DOCK6: variants seen among roughly 807,000 people sequenced by gnomAD.
DOCK6 encodes the protein dedicator of cytokinesis 6, also known as dedicator of cytokinesis protein 6.
A neutral mutation model predicts 230.3 loss-of-function variants in DOCK6; 167 were observed. That is an observed-to-expected ratio of 0.73 (90% confidence interval 0.64 to 0.82). The LOEUF is 0.82. DOCK6 is among the 40% of genes least tolerant of loss of function. The probability of loss-of-function intolerance (pLI) is 0.00; values close to 1 mark genes in which losing one functional copy is unlikely to be tolerated. For missense variants in DOCK6, 2,598 were observed against 2,825.8 expected (o/e 0.92, Z 1.83); for synonymous variants, 1,148 against 1,185.0 (o/e 0.97, Z 0.64).
Position 11,200,688 on chromosome 19 carries a change from G to A in DOCK6, c.5939+28C>T, listed in dbSNP as rs1402886276. On this transcript the variant is annotated intron_variant, in intron 46 of 47. Transcript: ENST00000294618. The surrounding 1 kb of genome is among the most constrained non-coding windows in gnomAD (Gnocchi z 4.3). ...GCCTATGCAGGTTAGGCAGACACGA[G>A]ACCCCTCCTGGGGGGTTTTGCGCCT... 3 of 1,593,398 alleles carry A rather than the reference G, an allele frequency of 1.9e-6. No homozygotes were observed. The highest frequency in any genetic ancestry group is 2.6e-6 in the Non-Finnish European group (3 of 1,169,756).
In DOCK6 at chr19:11,236,115, G is replaced by A; in HGVS notation, c.2392+231C>T. On this transcript the variant is annotated intron_variant, in intron 20 of 47. Transcript: ENST00000294618. This position sits in a 1 kb window ranked among gnomAD's most constrained non-coding sequence, Gnocchi z 5.2. The stretch of plus-strand genomic sequence containing the variant: ...GGCTGGTCTCAAACTCTCGACCTCA[G>A]GTGATCTGCCCGCCTCGGCCTCCCA... 3.6e-6 allele frequency: 2 copies of A among 561,250 alleles called. No homozygotes were observed. Among genetic ancestry groups the A allele is most frequent in the South Asian group, 2.5e-5 (1 of 40,046 alleles). The allele number at this position is 561,250 out of a possible 1,614,324, so 34.8% of individuals were successfully genotyped here.
chr19:11,202,801 A>AGT lies in DOCK6; in HGVS notation c.5236-94_5236-93dup. 1 of 1,593,104 alleles carries AGT rather than the reference A, an allele frequency of 6.3e-7. No individual in the cohort carries two copies. The highest frequency in any genetic ancestry group is 2.2e-5 in the East Asian group (1 of 44,786). On this transcript the variant is annotated intron_variant, in intron 41 of 47. Coordinates refer to ENST00000294618, the MANE Select transcript of DOCK6 (RefSeq NM_020812.4). This position sits in a 1 kb window ranked among gnomAD's most constrained non-coding sequence, Gnocchi z 5.3. ...TAGGTGTCTCGAATATCAGGATGGG[A>AGT]GTGTGAGGACCCCGAGAACATCAGG... is the stretch of plus-strand genomic sequence containing the variant.
chr19:11,256,471 G>A (rs144831380), intron 1 of DOCK6, among the ~76,000 whole-genome samples: 83 of 152,198 alleles, frequency 5.5e-4, no homozygotes, highest in African/African-American at 1.9e-3. Context: ...GACTCTGCAC[G>A]GAGAGCCGTC....
At position 11,222,223 on chromosome 19, in the gene DOCK6, G is replaced by A. The variant is rs377402441; in HGVS notation, c.3266C>T (p.Pro1089Leu). The change falls in exon 27 of 48, where the codon CCG becomes CTG. Residue 1089 changes from proline to leucine, a missense_variant. Physicochemically the swap from Pro to Leu is moderately conservative, Grantham distance 98. Coordinates refer to ENST00000294618, the MANE Select transcript of DOCK6 (RefSeq NM_020812.4). This position sits in a 1 kb window ranked among gnomAD's most constrained non-coding sequence, Gnocchi z 4.0. ...GAACATGCTGGTCACCTTGGGGTCC[G>A]GGGCTTGGCTGGAGAAGGTGGAGCT... ...SQSSTFSSQA[P>L]DPKVTSMFEL... The A allele has an allele frequency of 1.1e-5, 17 of 1,603,290 alleles. No homozygotes were observed. Among genetic ancestry groups the A allele is most frequent in the Admixed American group, 6.9e-5 (4 of 58,080 alleles).
chr19:11,260,885 A>AAAAAAAAAAAAAAAAAAAAAAG (rs1555698780), intron 1 of DOCK6, among the ~76,000 whole-genome samples: 4 of 127,216 alleles, frequency 3.1e-5, no homozygotes, highest in African/African-American at 1.2e-4. Context: ...TCTGTCTCAA[A>AAAAAAAAAAAAAAAAAAAAAAG]AAAAAAAAAA....
intron 7 of DOCK6, among the ~76,000 whole-genome samples, chr19:11,246,580 TC>T (rs2080038755): frequency 6.6e-6 from 1 of 151,854 alleles, no homozygotes; most frequent in African/African-American, 2.4e-5. Flanking sequence ...GAAGTTTTTT[TC>T]CCCCTCCCTA....
At position 11,199,480 on chromosome 19, in the gene DOCK6, C is replaced by T; in HGVS notation, c.*17G>A. 7 of 1,575,130 alleles carry T rather than the reference C, an allele frequency of 4.4e-6. No individual in the cohort carries two copies. Among genetic ancestry groups the T allele is most frequent in the Non-Finnish European group, 6.0e-6 (7 of 1,160,176 alleles). The stretch of plus-strand genomic sequence containing the variant: ...CGGGTGCTGGTTCCTCTAGGTACAG[C>T]TTTGGTCCTTGTGGGCTCAGAGGTC... On this transcript the variant is annotated 3_prime_UTR_variant, in exon 48 of 48. Coordinates refer to ENST00000294618, the MANE Select transcript of DOCK6 (RefSeq NM_020812.4).
rs1273532391 is a variant in DOCK6 at position 11,202,442 on chromosome 19, A to G, written c.5403T>C (p.Ile1801=). The part of the protein sequence containing the change: ...TERFGDDVVE[I]IKDSNPVDKS... The stretch of plus-strand genomic sequence containing the variant: ...TGTCCACAGGGTTAGAGTCTTTGAT[A>G]ATCTCAACGACGTCGTCGCCAAATC... The change falls in exon 43 of 48, where the codon ATT becomes ATC. Residue 1801 remains isoleucine, a synonymous_variant. Coordinates refer to ENST00000294618, the MANE Select transcript of DOCK6 (RefSeq NM_020812.4). The surrounding 1 kb of genome is among the most constrained non-coding windows in gnomAD (Gnocchi z 5.3). The G allele has an allele frequency of 6.2e-7, 1 of 1,613,542 alleles. No individual in the cohort carries two copies. Among genetic ancestry groups the G allele is most frequent in the Non-Finnish European group, 8.5e-7 (1 of 1,179,738 alleles).
chr19:11,236,261 T>G lies in DOCK6; in HGVS notation c.2392+85A>C, dbSNP rs2079845532. 1 of 1,272,698 alleles carries G rather than the reference T, an allele frequency of 7.9e-7. No homozygotes were observed. Among genetic ancestry groups the G allele is most frequent in the Non-Finnish European group, 1.1e-6 (1 of 929,018 alleles). 78.8% of individuals were successfully genotyped at this position (1,272,698 alleles called of 1,614,324 possible). A position where few individuals can be genotyped will look rare whatever the true frequency, so the allele number is the denominator to read the frequency against. On this transcript the variant is annotated intron_variant, in intron 20 of 47. Coordinates refer to ENST00000294618, the MANE Select transcript of DOCK6 (RefSeq NM_020812.4). This position sits in a 1 kb window ranked among gnomAD's most constrained non-coding sequence, Gnocchi z 5.2. ...TGAGAAAAATGGCCAGAGAGGTAAA[T>G]GGGCTTATAGAAGATCCCTCAGGAC...
intron 14 of DOCK6, among the ~76,000 whole-genome samples, chr19:11,240,736 T>C (rs2079931025): frequency 6.6e-6 from 1 of 151,868 alleles, no homozygotes; most frequent in Non-Finnish European, 1.5e-5. Context: ...CACCAGCTAA[T>C]TTTTGTATTT....
At chr19:11,252,610 C>G in intron 3 of DOCK6, 60 bp from the exon 4 acceptor site, 1 of 1,608,782 alleles carries the variant, frequency 6.2e-7, no homozygotes, top group Non-Finnish European at 8.5e-7. Context: ...CTTCTGCTAG[C>G]CTGTAAGGTT....
intron 23 of DOCK6, among the ~76,000 whole-genome samples, chr19:11,227,948 G>C (rs1160381474): frequency 6.6e-6 from 1 of 151,990 alleles, no homozygotes; most frequent in Non-Finnish European, 1.5e-5. Context: ...TGGGAAGGAG[G>C]CTTCAAATAA....
chr19:11,214,351 A>G lies in DOCK6; in HGVS notation c.4262T>C (p.Leu1421Pro). The G allele has an allele frequency of 6.2e-7, 1 of 1,613,714 alleles. No homozygotes were observed. Among genetic ancestry groups the G allele is most frequent in the Non-Finnish European group, 8.5e-7 (1 of 1,179,878 alleles). ...SVLGAVLKVV[L>P]YSLGSAQSAL... ...ACTCTGGGCACTGCCCAGGCTGTAC[A>G]GCACAACCTTCAGCACTGCCCCCAA... Residue 1421 changes from leucine to proline, a missense_variant, in exon 34 of 48, where the codon CTG becomes CCG. By Grantham distance (98) the Leu-to-Pro change is moderately conservative. Transcript: ENST00000294618.
intron 6 of DOCK6, 96 bp from the exon 7 acceptor site, chr19:11,248,247 C>G: frequency 1.1e-6 from 1 of 894,884 alleles, no homozygotes; most frequent in South Asian, 1.7e-5. Flanking sequence ...TCTACCCCAG[C>G]CTGACTAACC....
rs1334989608 is a variant in DOCK6 at position 11,201,846 on chromosome 19, C to T, written c.5688+43G>A. 7.1e-7 allele frequency: 1 copy of T among 1,418,086 alleles called. No individual in the cohort carries two copies. Among genetic ancestry groups the T allele is most frequent in the Non-Finnish European group, 9.6e-7 (1 of 1,039,358 alleles). The allele number at this position is 1,418,086 out of a possible 1,614,324, so 87.8% of individuals were successfully genotyped here. ...CCCTCCCCTCCCAGGGTCTGATGTC[C>T]CCTCACCTCCCCACCCCCGCCAGGC... On this transcript the variant is annotated intron_variant, in intron 44 of 47. Transcript: ENST00000294618. The surrounding 1 kb of genome is among the most constrained non-coding windows in gnomAD (Gnocchi z 4.3).
intron 23 of DOCK6, 64 bp downstream of exon 23, chr19:11,228,875 CT>C: frequency 6.5e-7 from 1 of 1,546,586 alleles, no homozygotes; most frequent in Non-Finnish European, 8.9e-7. Flanking sequence ...GGGCTTCTCT[CT>C]TTAAAAAAGG....
Position 11,236,134 on chromosome 19 carries a change from C to T in DOCK6, c.2392+212G>A. On this transcript the variant is annotated intron_variant, in intron 20 of 47. Transcript: ENST00000294618. This position sits in a 1 kb window ranked among gnomAD's most constrained non-coding sequence, Gnocchi z 5.2. ...ACCTCAGGTGATCTGCCCGCCTCGGCCTCCCAAAGTGCTGGGATGACAGGC... is the reference window on the plus strand; with the variant it reads ...ACCTCAGGTGATCTGCCCGCCTCGGTCTCCCAAAGTGCTGGGATGACAGGC... 1.7e-6 allele frequency: 1 copy of T among 602,470 alleles called. No homozygotes were observed. Among genetic ancestry groups the T allele is most frequent in the South Asian group, 2.3e-5 (1 of 43,226 alleles). 37.3% of individuals were successfully genotyped at this position (602,470 alleles called of 1,614,324 possible).
At chr19:11,216,130 C>T (rs1256314125) in intron 30 of DOCK6, 3 of 464,824 alleles carry the variant, frequency 6.5e-6, no homozygotes, top group South Asian at 2.8e-5. Flanking sequence ...CTCATTCTGT[C>T]GCCCAGGGTG....
intron 7 of DOCK6, among the ~76,000 whole-genome samples, chr19:11,247,047 G>A (rs77877763): frequency 0.03 from 4,611 of 152,214 alleles, 127 homozygotes; most frequent in East Asian, 0.17. Flanking sequence ...CGCTTATCCC[G>A]GCTCTGTGTG....
Sources: allele counts gnomAD v4.1 joint callset (sites outside exome capture counted in the v4.1 genomes callset), GRCh38; gene constraint gnomAD v4.1.1; non-coding constraint Gnocchi (gnomAD v3.1); transcripts MANE v1.5; gene names NCBI Gene and HGNC (gene_info 2026-07-23, HGNC 2026-07-21).